Variants in RASAL1 observed in about 807,000 individuals in gnomAD.
The protein encoded by RASAL1 is rasGAP-activating-like protein 1.
A neutral mutation model predicts 96.6 loss-of-function variants in RASAL1; 72 were observed. That is an observed-to-expected ratio of 0.75 (90% confidence interval 0.62 to 0.91). The LOEUF (loss-of-function observed/expected upper bound fraction) is 0.91. Among genes scored for constraint, RASAL1 ranks in the 40% least tolerant of loss-of-function variants. The pLI is 0.00. For synonymous variants in RASAL1, 405 were observed against 430.4 expected (o/e 0.94, Z 0.73); for missense variants, 1,016 against 1,072.5 (o/e 0.95, Z 0.74).
Position 113,135,611 on chromosome 12 carries a change from A to G in RASAL1, c.-149T>C. The G allele has an allele frequency of 1.5e-6, 1 of 675,060 alleles. No individual in the cohort carries two copies. Among genetic ancestry groups the G allele is most frequent in the Non-Finnish European group, 2.6e-6 (1 of 387,326 alleles). The allele number at this position is 675,060 out of a possible 1,614,324, so 41.8% of individuals were successfully genotyped here. A position where few individuals can be genotyped will look rare whatever the true frequency, so the allele number is the denominator to read the frequency against. On this transcript the variant is annotated 5_prime_UTR_variant, in exon 1 of 21. Transcript: ENST00000548055. This position sits in a 1 kb window ranked among gnomAD's most constrained non-coding sequence, Gnocchi z 5.7. Reference sequence around the variant, plus strand: ...CGAGACCCGGGTAGCTGGATGGGAGATTTCCGAAAGAGGAGAAGGTGTAGG... The same window carrying G: ...CGAGACCCGGGTAGCTGGATGGGAGGTTTCCGAAAGAGGAGAAGGTGTAGG...
At chr12:113,111,421 C>T (rs994170193) in intron 13 of RASAL1, among the ~76,000 whole-genome samples, 1 of 152,164 alleles carries the variant, frequency 6.6e-6, no homozygotes, top group East Asian at 1.9e-4. Flanking sequence ...GTGACTTAAG[C>T]TCTCTGGGCC....
intron 1 of RASAL1, among the ~76,000 whole-genome samples, chr12:113,134,357 C>G (rs1405534508): frequency 6.6e-6 from 1 of 152,142 alleles, no homozygotes; most frequent in Non-Finnish European, 1.5e-5. Context: ...CTTGGGGAAT[C>G]AGCACAGAGC....
Position 113,101,831 on chromosome 12 carries a change from G to A in RASAL1, c.2225+58C>T. 3 of 1,580,702 alleles carry A rather than the reference G, an allele frequency of 1.9e-6. No homozygotes were observed. The South Asian group carries it at 3.4e-5, about 18-fold the overall frequency. ...AATAAATGGACACAGCAAGGCCACGGTGGGGGGCTGGCCTGGCTGGTCATA... is the reference window on the plus strand; with the variant it reads ...AATAAATGGACACAGCAAGGCCACGATGGGGGGCTGGCCTGGCTGGTCATA... On this transcript the variant is annotated intron_variant, in intron 19 of 20. Coordinates refer to ENST00000548055, the MANE Select transcript of RASAL1 (RefSeq NM_001301202.2).
At position 113,112,284 on chromosome 12, in the gene RASAL1, G is replaced by A; in HGVS notation, c.1182-6C>T. ...CGCCTTTGAAGGAGATCCTCCTGGA[G>A]GGGCCGGCGGAGCAGCTCAGCCTCG... On this transcript the variant is annotated splice_polypyrimidine_tract_variant and splice_region_variant and intron_variant, in intron 12 of 20. Transcript: ENST00000548055. 8.0e-7 allele frequency: 1 copy of A among 1,255,152 alleles called. No individual in the cohort carries two copies. Among genetic ancestry groups the A allele is most frequent in the Non-Finnish European group, 1.0e-6 (1 of 991,550 alleles). 77.8% of individuals were successfully genotyped at this position (1,255,152 alleles called of 1,614,324 possible). A position where few individuals can be genotyped will look rare whatever the true frequency, so the allele number is the denominator to read the frequency against.
intron 16 of RASAL1, among the ~76,000 whole-genome samples, chr12:113,104,997 A>C (rs1212548438): frequency 6.6e-6 from 1 of 152,250 alleles, no homozygotes; most frequent in African/African-American, 2.4e-5. Flanking sequence ...AGGATAGATG[A>C]CGCTTCCAAG....
chr12:113,120,356 C>T (rs568836585), intron 5 of RASAL1, among the ~76,000 whole-genome samples: 2 of 152,200 alleles, frequency 1.3e-5, no homozygotes, highest in Non-Finnish European at 2.9e-5. Flanking sequence ...AGCCTCTGCC[C>T]CCTGCTGAGT....
At chr12:113,117,446 C>T (rs1237141149) in intron 7 of RASAL1, among the ~76,000 whole-genome samples, 1 of 152,182 alleles carries the variant, frequency 6.6e-6, no homozygotes, top group Non-Finnish European at 1.5e-5. Flanking sequence ...CTAGAGATAG[C>T]ATGTCTGGAC....
intron 16 of RASAL1, among the ~76,000 whole-genome samples, chr12:113,104,702 A>C (rs1312785311): frequency 6.6e-6 from 1 of 151,860 alleles, no homozygotes. Context: ...GGGTTTCACT[A>C]TGTTGGCCAG....
In RASAL1 at chr12:113,102,725, A is replaced by G. The variant is rs144083793; in HGVS notation, c.2105-716T>C. ...CAACAGAGACTCTGTCTCAAAAACA[A>G]AAATAAAAAAACCCACTACTTCCGT... On this transcript the variant is annotated intron_variant, in intron 18 of 20. Transcript: ENST00000548055. 2.8e-3 allele frequency among the ~76,000 whole-genome samples: 427 copies of G among 152,216 alleles called. 4 individuals carry two copies. Among genetic ancestry groups the G allele is most frequent in the African/African-American group, 9.5e-3 (395 of 41,530 alleles).
Position 113,130,032 on chromosome 12 carries a change from A to AC in RASAL1, c.122+852dup, listed in dbSNP as rs1951641904. Among the ~76,000 whole-genome samples the AC allele has an allele frequency of 6.6e-6, 1 of 151,206 alleles. No homozygotes were observed. Among genetic ancestry groups the AC allele is most frequent in the African/African-American group, 2.4e-5 (1 of 41,106 alleles). On this transcript the variant is annotated intron_variant, in intron 2 of 20. Coordinates refer to ENST00000548055, the MANE Select transcript of RASAL1 (RefSeq NM_001301202.2). The surrounding 1 kb of genome is among the most constrained non-coding windows in gnomAD (Gnocchi z 5.1). ...TCAGTGGAGGGGGGAGCTACAGCTG[A>AC]CCCCTCCCCCAGGCAGGCTCCCCAC... is the stretch of plus-strand genomic sequence containing the variant.
At chr12:113,103,208 T>G (rs1950516273) in intron 18 of RASAL1, 1 of 149,326 alleles carries the variant, frequency 6.7e-6, no homozygotes, top group Non-Finnish European at 1.5e-5. Flanking sequence ...TTATATATAT[T>G]ATATATTATT....
chr12:113,134,681 A>T (rs1951845801), intron 1 of RASAL1, among the ~76,000 whole-genome samples: 1 of 152,204 alleles, frequency 6.6e-6, no homozygotes, highest in South Asian at 2.1e-4. Context: ...CTGCTGATTC[A>T]GCAGCTGCTG....
chr12:113,130,652 G>A lies in RASAL1; in HGVS notation c.122+233C>T, dbSNP rs1054431881. On this transcript the variant is annotated intron_variant, in intron 2 of 20. Transcript: ENST00000548055. This position sits in a 1 kb window ranked among gnomAD's most constrained non-coding sequence, Gnocchi z 5.1. ...ACTGTAGGAGGCACAGGCTGGCAGC[G>A]CTGAGTCAGCCCCAGGGAGCCAGCA... Among the ~76,000 whole-genome samples, 3 of 152,162 alleles carry A rather than the reference G, an allele frequency of 2.0e-5. No homozygotes were observed. The highest frequency in any genetic ancestry group is 6.5e-5 in the Admixed American group (1 of 15,274).
intron 20 of RASAL1, 129 bp from the exon 21 acceptor site, chr12:113,100,197 C>A (rs1218210496): frequency 9.4e-7 from 1 of 1,060,848 alleles, no homozygotes; most frequent in Non-Finnish European, 1.3e-6. Flanking sequence ...TTGAGAATCC[C>A]CACACACAGC....
At chr12:113,125,187 T>C (rs1490387918) in intron 4 of RASAL1, among the ~76,000 whole-genome samples, 1 of 152,166 alleles carries the variant, frequency 6.6e-6, no homozygotes, top group Non-Finnish European at 1.5e-5. Context: ...TTTAAAATGT[T>C]TCTCTTAATC....
chr12:113,132,360 C>T (rs1200020938), intron 1 of RASAL1, among the ~76,000 whole-genome samples: 1 of 152,122 alleles, frequency 6.6e-6, no homozygotes, highest in African/African-American at 2.4e-5. Flanking sequence ...TCTGTGTCCC[C>T]CACTTCCCCA....
At position 113,129,362 on chromosome 12, in the gene RASAL1, G is replaced by A. The variant is rs1566071312; in HGVS notation, c.123-1184C>T. Among the ~76,000 whole-genome samples the A allele has an allele frequency of 6.6e-6, 1 of 152,172 alleles. No individual in the cohort carries two copies. Among genetic ancestry groups the A allele is most frequent in the Non-Finnish European group, 1.5e-5 (1 of 68,042 alleles). ...AGGCCCTGTAGCAGGAATGAGTTTCGTGAGCTGAAGGAATAGGAAGGTGCC... is the reference window on the plus strand; with the variant it reads ...AGGCCCTGTAGCAGGAATGAGTTTCATGAGCTGAAGGAATAGGAAGGTGCC... On this transcript the variant is annotated intron_variant, in intron 2 of 20. Transcript: ENST00000548055. The surrounding 1 kb of genome is among the most constrained non-coding windows in gnomAD (Gnocchi z 5.0).
At chr12:113,114,700 C>T (rs559891946) in intron 12 of RASAL1, 100 bp downstream of exon 12, 2 of 971,382 alleles carry the variant, frequency 2.1e-6, no homozygotes, top group Admixed American at 3.5e-5. Flanking sequence ...CAGCTGTAGC[C>T]CCAGGGTGGG....
chr12:113,116,050 C>G lies in RASAL1; in HGVS notation c.733G>C (p.Gly245Arg). ...TTCACTCGCAGGGCACCCAGGTTCC[C>G]CCTGTCCAGGATCAGATCATAAGAA... ...PFPRAEEDSG[G>R]NLGALRVKVR... The change falls in exon 9 of 21, where the codon GGG becomes CGG. Residue 245 changes from glycine to arginine, a missense_variant and splice_region_variant. Transcript: ENST00000548055. 1 of 1,579,812 alleles carries G rather than the reference C, an allele frequency of 6.3e-7. No homozygotes were observed.
Sources: gnomAD v4.1 joint callset for allele counts (sites outside exome capture counted in the v4.1 genomes callset) on GRCh38, gnomAD v4.1.1 for gene constraint, Gnocchi (gnomAD v3.1) non-coding constraint, MANE v1.5 for transcripts, NCBI Gene and HGNC (gene_info 2026-07-23, HGNC 2026-07-21) for gene names.